Variants in TLK2 observed in about 807,000 individuals in gnomAD.
TLK2 encodes the protein serine/threonine-protein kinase tousled-like 2.
In TLK2, 6 loss-of-function variants were observed where a neutral mutation model predicts 117.3. That is an observed-to-expected ratio of 0.05 (90% CI 0.03 to 0.10). The LOEUF is 0.10. Among genes scored for constraint, TLK2 ranks in the 10% least tolerant of loss-of-function variants. TLK2 has a pLI of 1.00. For synonymous variants in TLK2, 257 were observed against 316.7 expected (o/e 0.81, Z 2.00); for missense variants, 299 against 901.2 (o/e 0.33, Z 8.56).
chr17:62,511,411 C>T (rs1436913478), intron 2 of TLK2, among the ~76,000 whole-genome samples: 1 of 152,202 alleles, frequency 6.6e-6, no homozygotes, highest in African/African-American at 2.4e-5. Context: ...CACCCTGTCA[C>T]TCAGGCTGGA....
intron 16 of TLK2, among the ~76,000 whole-genome samples, chr17:62,595,523 GGTTACCA>G (rs2147088355): frequency 6.6e-6 from 1 of 151,726 alleles, no homozygotes; most frequent in African/African-American, 2.4e-5. Context: ...ATGACTGCTG[GGTTACCA>G]GGTGATAGGA....
chr17:62,499,213 C>G (rs2073977619), intron 2 of TLK2, among the ~76,000 whole-genome samples: 1 of 151,878 alleles, frequency 6.6e-6, no homozygotes, highest in African/African-American at 2.4e-5. Flanking sequence ...TGTTGGTGTG[C>G]GCTTGTAGTC....
At chr17:62,597,458 A>G (rs924204788) in intron 17 of TLK2, among the ~76,000 whole-genome samples, 1 of 152,206 alleles carries the variant, frequency 6.6e-6, no homozygotes, top group South Asian at 2.1e-4. Flanking sequence ...GGAAACTGGC[A>G]TGAGTTGGTG....
intron 16 of TLK2, 44 bp from the exon 17 acceptor site, chr17:62,596,541 G>C: frequency 1.4e-6 from 2 of 1,423,146 alleles, no homozygotes; most frequent in South Asian, 1.2e-5. Context: ...GTTCTAAAAG[G>C]CAGGCCAATA....
intron 16 of TLK2, among the ~76,000 whole-genome samples, chr17:62,595,701 A>T (rs2082427375): frequency 6.6e-6 from 1 of 152,142 alleles, no homozygotes; most frequent in African/African-American, 2.4e-5. Context: ...TTCTAAGAAA[A>T]CTGGGGTTCC....
chr17:62,530,983 G>A (rs189188216), intron 6 of TLK2, among the ~76,000 whole-genome samples: 2 of 152,096 alleles, frequency 1.3e-5, no homozygotes, highest in African/African-American at 4.8e-5. Flanking sequence ...TCATTTGCCT[G>A]TTGTTTCTTT....
chr17:62,534,177 C>A (rs2076954337), intron 6 of TLK2, among the ~76,000 whole-genome samples: 1 of 152,016 alleles, frequency 6.6e-6, no homozygotes, highest in South Asian at 2.1e-4. Flanking sequence ...TTTAAGTGAA[C>A]CTTAGAATTT....
At chr17:62,587,696 G>A (rs1324038746) in intron 16 of TLK2, among the ~76,000 whole-genome samples, 1 of 152,140 alleles carries the variant, frequency 6.6e-6, no homozygotes, top group Non-Finnish European at 1.5e-5. Context: ...TAGGTGACAG[G>A]CAGCTGCAGT....
chr17:62,607,105 G>T (rs2147268586), intron 20 of TLK2, among the ~76,000 whole-genome samples: 1 of 146,786 alleles, frequency 6.8e-6, no homozygotes, highest in Non-Finnish European at 1.5e-5. Flanking sequence ...CCCTGACAAT[G>T]TTGAATTGCT....
At chr17:62,576,832 G>A (rs773358243) in intron 13 of TLK2, 57 bp downstream of exon 13, 1 of 1,423,180 alleles carries the variant, frequency 7.0e-7, no homozygotes, top group Non-Finnish European at 9.9e-7. Flanking sequence ...TAAATTTGGG[G>A]TTGAAGCTAT....
chr17:62,599,990 T>C (rs2082757027), intron 17 of TLK2, among the ~76,000 whole-genome samples: 1 of 152,206 alleles, frequency 6.6e-6, no homozygotes, highest in South Asian at 2.1e-4. Flanking sequence ...ACCCACATAC[T>C]TTTGTTAGAA....
intron 11 of TLK2, among the ~76,000 whole-genome samples, chr17:62,570,191 C>T (rs188196951): frequency 1.8e-3 from 268 of 152,246 alleles, no homozygotes; most frequent in African/African-American, 5.2e-3. Flanking sequence ...GAGGTACTAA[C>T]GACTTTAACA....
At chr17:62,549,426 A>AAAAAAAAGT (rs2078253399) in intron 7 of TLK2, among the ~76,000 whole-genome samples, 1 of 132,326 alleles carries the variant, frequency 7.6e-6, no homozygotes, top group African/African-American at 2.8e-5. Flanking sequence ...AAAAAAAAAA[A>AAAAAAAAGT]AAAAAAAAAA....
At chr17:62,498,024 A>G (rs12943886) in intron 2 of TLK2, among the ~76,000 whole-genome samples, 1 of 152,192 alleles carries the variant, frequency 6.6e-6, no homozygotes, top group Non-Finnish European at 1.5e-5. Context: ...AGATTGTGTC[A>G]GTGAAAAATA....
chr17:62,597,383 C>G (rs952755918), intron 17 of TLK2: 5 of 152,008 alleles, frequency 3.3e-5, no homozygotes, highest in African/African-American at 9.7e-5. Flanking sequence ...GTGGATATAC[C>G]ACATTTTGCT....
rs61100480 is a variant in TLK2 at position 62,546,344 on chromosome 17, GT to G, written c.532-5942del. Among the ~76,000 whole-genome samples the G allele has an allele frequency of 1.2e-3, 29 of 23,352 alleles. 7 individuals are homozygous for G. The East Asian group carries it at 0.034, about 27-fold the overall frequency. 15.3% of individuals were successfully genotyped at this position (23,352 alleles called of 152,430 possible). Reference sequence around the variant, plus strand: ...GTTCCCTATTTTGAGTTTGTTGATTGTTTTTTTTTTTTTTTTACATAATGAA... The same window carrying G: ...GTTCCCTATTTTGAGTTTGTTGATTGTTTTTTTTTTTTTTTACATAATGAA... On this transcript the variant is annotated intron_variant, in intron 7 of 21. Coordinates refer to ENST00000346027, the MANE Select transcript of TLK2 (RefSeq NM_006852.6).
chr17:62,519,325 C>T (rs536330350), intron 2 of TLK2, among the ~76,000 whole-genome samples: 1 of 152,174 alleles, frequency 6.6e-6, no homozygotes, highest in Non-Finnish European at 1.5e-5. Flanking sequence ...TGTCAAAAAT[C>T]ATTTGACCAC....
At chr17:62,521,274 A>C (rs1248698771) in intron 3 of TLK2, among the ~76,000 whole-genome samples, 1 of 152,186 alleles carries the variant, frequency 6.6e-6, no homozygotes, top group Non-Finnish European at 1.5e-5. Context: ...TGTGGCCCTC[A>C]CGGGTTTTTA....
chr17:62,540,134 T>G (rs2145915015), intron 7 of TLK2, among the ~76,000 whole-genome samples: 1 of 147,752 alleles, frequency 6.8e-6, no homozygotes, highest in Non-Finnish European at 1.5e-5. Flanking sequence ...GACAGAGTAT[T>G]AGTGTGTTAC....
Sources: gnomAD v4.1 joint callset for allele counts (sites outside exome capture counted in the v4.1 genomes callset) on GRCh38, gnomAD v4.1.1 for gene constraint, MANE v1.5 for transcripts, NCBI Gene and HGNC (gene_info 2026-07-23, HGNC 2026-07-21) for gene names.